The following DMD variants were observed in gnomAD, a reference collection of about 807,000 sequenced individuals.
The protein encoded by DMD is dystrophin.
DMD carries 63 observed loss-of-function variants against 330.1 expected under a neutral mutation model. The observed-to-expected ratio is 0.19, with a 90% confidence interval of 0.16 to 0.24. The LOEUF (loss-of-function observed/expected upper bound fraction) is 0.24. Ranked by LOEUF, DMD falls within the 10% of genes least tolerant of loss-of-function variation. The pLI, the probability that DMD is intolerant of heterozygous loss-of-function variation, is 1.00. For missense variants in DMD, 3,344 were observed against 2,684.1 expected (o/e 1.25, Z -5.43); for synonymous variants, 1,223 against 959.8 (o/e 1.27, Z -5.07).
At chrX:33,200,259 T>C (rs1432563395) in intron 1 of DMD, among the ~76,000 whole-genome samples, 2 of 111,353 alleles carry the variant, frequency 1.8e-5, no homozygotes, top group South Asian at 3.7e-4. Flanking sequence ...TGTTTTTTTT[T>C]CCCAACCGTG....
At chrX:32,750,039 A>T (rs2070608506) in intron 7 of DMD, among the ~76,000 whole-genome samples, 1 of 112,212 alleles carries the variant, frequency 8.9e-6, no homozygotes, top group South Asian at 3.7e-4. Context: ...GCCTTGCCTT[A>T]TTTGTCACTT....
intron 1 of DMD, among the ~76,000 whole-genome samples, chrX:33,336,346 G>A: frequency 9.2e-6 from 1 of 108,717 alleles, no homozygotes; most frequent in East Asian, 2.9e-4. Context: ...ATGAGAATGG[G>A]AGGATAATAG....
rs1309251019 is a variant in DMD at position 31,121,499 on chromosome X, T to TA, written c.*419dup. The TA allele has an allele frequency of 1.7e-5, 3 of 177,151 alleles. No individual in the cohort carries two copies. The highest frequency in any genetic ancestry group is 7.4e-5 in the Admixed American group (1 of 13,521). The allele number at this position is 177,151 out of a possible 1,213,427, so 14.6% of individuals were successfully genotyped here. A position where few individuals can be genotyped will look rare whatever the true frequency, so the allele number is the denominator to read the frequency against. On this transcript the variant is annotated 3_prime_UTR_variant, in exon 79 of 79. Transcript: ENST00000357033. ...GGGGTTTTTATAAACAACTTTTTTT[T>TA]ATAAAGCACACTTTAGTTTACAATC... is the stretch of plus-strand genomic sequence containing the variant.
chrX:32,706,118 T>C (rs1236371149), intron 7 of DMD, among the ~76,000 whole-genome samples: 1 of 103,200 alleles, frequency 9.7e-6, no homozygotes, highest in Non-Finnish European at 2.0e-5. Context: ...CAGCAAACTA[T>C]CACAAGGACA....
chrX:31,604,476 G>A (rs762079112), intron 55 of DMD, among the ~76,000 whole-genome samples: 1 of 111,386 alleles, frequency 9.0e-6, no homozygotes, highest in Non-Finnish European at 1.9e-5. Flanking sequence ...TAGCAGCTAC[G>A]GTCACATTTA....
chrX:31,741,925 G>A (rs910638594), intron 51 of DMD, among the ~76,000 whole-genome samples: 1 of 111,880 alleles, frequency 8.9e-6, no homozygotes, highest in African/African-American at 3.2e-5. Context: ...TAACTTAGAT[G>A]TTAGTTTGAT....
chrX:33,261,734 A>G (rs1361039267), intron 1 of DMD, among the ~76,000 whole-genome samples: 1 of 109,802 alleles, frequency 9.1e-6, no homozygotes, highest in African/African-American at 3.3e-5. Flanking sequence ...TTTCTAATTA[A>G]TTATCACCAC....
chrX:31,883,862 A>C (rs185120529), intron 47 of DMD, among the ~76,000 whole-genome samples: 1 of 105,839 alleles, frequency 9.4e-6, no homozygotes, highest in Admixed American at 1.0e-4. Context: ...TAAAGCAAAC[A>C]TACAAATGGC....
chrX:31,383,407 T>C lies in DMD; in HGVS notation c.9085-34773A>G, dbSNP rs757075806. 8.9e-5 allele frequency among the ~76,000 whole-genome samples: 10 copies of C among 112,194 alleles called. 1 individual carries two copies. The South Asian group carries it at 3.7e-3, about 42-fold the overall frequency. On this transcript the variant is annotated intron_variant, in intron 60 of 78. Transcript: ENST00000357033. ...ATTAGGTTGGTGAATAGATATGAAGTACGTAGATAATGCTTGGTATGTAGT... is the reference window on the plus strand; with the variant it reads ...ATTAGGTTGGTGAATAGATATGAAGCACGTAGATAATGCTTGGTATGTAGT...
At chrX:31,341,891 G>GCGCGCACA (rs374298104) in intron 61 of DMD, among the ~76,000 whole-genome samples, 40 of 98,892 alleles carry the variant, frequency 4.0e-4, no homozygotes, top group Admixed American at 1.6e-3. Flanking sequence ...GTGCGCGCGC[G>GCGCGCACA]CACACACACA....
intron 63 of DMD, among the ~76,000 whole-genome samples, chrX:31,223,891 AAAAT>A (rs1402304990): frequency 2.7e-5 from 3 of 112,713 alleles, no homozygotes; most frequent in Non-Finnish European, 5.6e-5. Flanking sequence ...AATTAGGAAT[AAAAT>A]AAACATTTGG....
chrX:31,676,593 G>A (rs1356666902), intron 53 of DMD, among the ~76,000 whole-genome samples: 1 of 111,032 alleles, frequency 9.0e-6, no homozygotes, highest in Non-Finnish European at 1.9e-5. Flanking sequence ...TTCTTGCTTT[G>A]TTTTAGCCAC....
chrX:31,648,708 T>TAAAAAAAAAAAAAAAAAAAAAATCTGCTA (rs1569172209), intron 54 of DMD, among the ~76,000 whole-genome samples: 1 of 103,043 alleles, frequency 9.7e-6, no homozygotes, highest in African/African-American at 3.6e-5. Context: ...TGACATCCCT[T>TAAAAAAAAAAAAAAAAAAAAAATCTGCTA]TTTAGGGGGA....
chrX:32,358,529 A>G (rs1352025910), intron 37 of DMD, among the ~76,000 whole-genome samples: 1 of 112,001 alleles, frequency 8.9e-6, no homozygotes, highest in Non-Finnish European at 1.9e-5. Context: ...TAGATTACGA[A>G]AAAACACGCT....
chrX:31,629,504 C>T (rs1462702147), intron 54 of DMD, among the ~76,000 whole-genome samples: 1 of 111,625 alleles, frequency 9.0e-6, no homozygotes, highest in Non-Finnish European at 1.9e-5. Flanking sequence ...TATTTATCAA[C>T]TCCTAAATAA....
intron 47 of DMD, among the ~76,000 whole-genome samples, chrX:31,884,012 G>A (rs1174120566): frequency 9.0e-6 from 1 of 111,536 alleles, no homozygotes; most frequent in Non-Finnish European, 1.9e-5. Flanking sequence ...TGGCCAGAAT[G>A]TGGAGAAAAG....
intron 1 of DMD, among the ~76,000 whole-genome samples, chrX:33,288,783 A>G (rs1412809390): frequency 8.9e-6 from 1 of 112,003 alleles, no homozygotes; most frequent in Admixed American, 9.6e-5. Context: ...ATCTCAGCGT[A>G]AATATCACCT....
At chrX:32,398,031 G>T (rs751452535) in intron 30 of DMD, among the ~76,000 whole-genome samples, 1 of 110,847 alleles carries the variant, frequency 9.0e-6, no homozygotes, top group African/African-American at 3.3e-5. Context: ...TTTTGAAATT[G>T]CTATTTTCAA....
At chrX:33,131,558 G>A (rs1490214591) in intron 1 of DMD, among the ~76,000 whole-genome samples, 1 of 111,992 alleles carries the variant, frequency 8.9e-6, no homozygotes, top group African/African-American at 3.2e-5. Context: ...TTATCCAACA[G>A]TTTGAGAACC....
Sources: gnomAD v4.1 joint callset for allele counts (sites outside exome capture counted in the v4.1 genomes callset) on GRCh38, gnomAD v4.1.1 for gene constraint, MANE v1.5 for transcripts, NCBI Gene and HGNC (gene_info 2026-07-23, HGNC 2026-07-21) for gene names.